NEURL4: variants seen among roughly 807,000 people sequenced by gnomAD.
NEURL4 encodes the protein neuralized E3 ubiquitin protein ligase 4, also known as neuralized-like protein 4.
NEURL4 carries 45 observed loss-of-function variants against 148.0 expected under a neutral mutation model. That is an observed-to-expected ratio of 0.30 (90% CI 0.24 to 0.39). The LOEUF (loss-of-function observed/expected upper bound fraction) is 0.39. Ranked by LOEUF, NEURL4 falls within the 10% of genes least tolerant of loss-of-function variation. The pLI is 1.00. For synonymous variants in NEURL4, 854 were observed against 869.0 expected, an observed-to-expected ratio of 0.98 and a Z score of 0.30; for missense variants, 1,776 against 2,144.0, an observed-to-expected ratio of 0.83 and a Z score of 3.39.
intron 26 of NEURL4, 79 bp from the exon 27 acceptor site, chr17:7,317,652 A>C: frequency 6.4e-7 from 1 of 1,554,594 alleles, no homozygotes; most frequent in African/African-American, 1.4e-5. Context: ...GCTCTTCCTT[A>C]GACAGGAAGT....
chr17:7,327,815 T>A lies in NEURL4; in HGVS notation c.352A>T (p.Ser118Cys). 6.2e-7 allele frequency: 1 copy of A among 1,613,898 alleles called. No individual in the cohort carries two copies. The highest frequency in any genetic ancestry group is 1.1e-5 in the South Asian group (1 of 91,082). Reference sequence around the variant, plus strand: ...CCCCCCTTCAGGCCCGTGGCACTGCTTGGAAAGTCCAGCACACTGGGGTCC... The same window carrying A: ...CCCCCCTTCAGGCCCGTGGCACTGCATGGAAAGTCCAGCACACTGGGGTCC... Reference protein sequence around the residue: ...ALDPSVLDFPSSATGLKGGSW... With the variant: ...ALDPSVLDFPCSATGLKGGSW... The change falls in exon 2 of 29, where the codon AGC becomes TGC. Residue 118 changes from serine (S) to cysteine (C), a missense_variant. Transcript: ENST00000399464. This position sits in a 1 kb window ranked among gnomAD's most constrained non-coding sequence, Gnocchi z 6.6.
chr17:7,326,406 C>G lies in NEURL4; in HGVS notation c.1204+31G>C, dbSNP rs1313221637. On this transcript the variant is annotated intron_variant, in intron 5 of 28. Coordinates refer to ENST00000399464, the MANE Select transcript of NEURL4 (RefSeq NM_032442.3). This position sits in a 1 kb window ranked among gnomAD's most constrained non-coding sequence, Gnocchi z 6.0. ...TTCCTTCCCCTCAGCAACACCAGGCCTGCACCCCCGCCCCTGCCCGGGGCT... is the reference window on the plus strand; with the variant it reads ...TTCCTTCCCCTCAGCAACACCAGGCGTGCACCCCCGCCCCTGCCCGGGGCT... 1 of 1,613,602 alleles carries G rather than the reference C, an allele frequency of 6.2e-7. No individual in the cohort carries two copies. Among genetic ancestry groups the G allele is most frequent in the African/African-American group, 1.3e-5 (1 of 74,898 alleles).
chr17:7,329,145 G>A lies in NEURL4; in HGVS notation c.168C>T (p.Ala56=), dbSNP rs751699047. The change falls in exon 1 of 29, where the codon GCC becomes GCT. Residue 56 remains alanine, a synonymous_variant. Coordinates refer to ENST00000399464, the MANE Select transcript of NEURL4 (RefSeq NM_032442.3). The part of the protein sequence containing the change: ...PRTGRLVSLS[A]CGRTARRQQP... ...GCTGCCGCCGCGCCGTACGCCCACAGGCCGACAGGCTCACCAAGCGCCCAG... is the reference window on the plus strand; with the variant it reads ...GCTGCCGCCGCGCCGTACGCCCACAAGCCGACAGGCTCACCAAGCGCCCAG... 2 of 1,608,516 alleles carry A rather than the reference G, an allele frequency of 1.2e-6. No homozygotes were observed. The highest frequency in any genetic ancestry group is 8.5e-7 in the Non-Finnish European group (1 of 1,178,986).
intron 21 of NEURL4, among the ~76,000 whole-genome samples, chr17:7,319,517 A>T (rs1453231878): frequency 6.6e-6 from 1 of 150,892 alleles, no homozygotes; most frequent in African/African-American, 2.4e-5. Flanking sequence ...CCTGACCAAC[A>T]TGGTGAAACT....
At chr17:7,316,958 T>C (rs1041097397) in intron 28 of NEURL4, among the ~76,000 whole-genome samples, 1 of 152,088 alleles carries the variant, frequency 6.6e-6, no homozygotes, top group African/African-American at 2.4e-5. Context: ...ATAATACTTA[T>C]TACGTATGAA....
rs771002223 is a variant in NEURL4, at chr17:7,321,136, G to A, written c.3336C>T (p.Asp1112=). The change falls in exon 20 of 29, where the codon GAC becomes GAT. Residue 1112 remains aspartate, a synonymous_variant. Transcript: ENST00000399464. The surrounding 1 kb of genome is among the most constrained non-coding windows in gnomAD (Gnocchi z 6.3). Reference sequence around the variant, plus strand: ...CTCCCAGGCCATGCTCCTCGCCCTCGTCATCCTCCTCGCCCTCACTGCCGG... The same window carrying A: ...CTCCCAGGCCATGCTCCTCGCCCTCATCATCCTCCTCGCCCTCACTGCCGG... ...SDTGSEGEED[D]EGEEHGLGGQ... 1.9e-5 allele frequency: 31 copies of A among 1,613,576 alleles called. No homozygotes were observed. The highest frequency in any genetic ancestry group is 5.3e-5 in the African/African-American group (4 of 74,856).
rs1183346346 is a variant in NEURL4, at chr17:7,322,777, T to C, written c.2683A>G (p.Ser895Gly). The change falls in exon 16 of 29, where the codon AGC becomes GGC. Residue 895 changes from serine (S) to glycine (G), a missense_variant. Physicochemically the swap from Ser to Gly is moderately conservative, Grantham distance 56 (BLOSUM62 0). Coordinates refer to ENST00000399464, the MANE Select transcript of NEURL4 (RefSeq NM_032442.3). This position sits in a 1 kb window ranked among gnomAD's most constrained non-coding sequence, Gnocchi z 5.5. ...AAGGACTTCTCGGTGGCAGTGTTGC[T>C]GGTCGCCAGGCTGTTGTCCATGGGG... is the stretch of plus-strand genomic sequence containing the variant. ...TGPMDNSLATSNTATEKSFPL... is the reference protein window; with the variant it reads ...TGPMDNSLATGNTATEKSFPL... 3.1e-6 allele frequency: 5 copies of C among 1,612,448 alleles called. No individual in the cohort carries two copies. The highest frequency in any genetic ancestry group is 2.5e-6 in the Non-Finnish European group (3 of 1,179,354).
rs770542163 is a variant in NEURL4 at position 7,324,214 on chromosome 17, G to T, written c.1956C>A (p.Val652=). ...CAGCAGGGCCCTGAGTCATCCCATT[G>T]ACAAAGAAGTGGAGAGTCCCGTCCT... ...RREDGTLHFF[V]NGMTQGPAAW... The change falls in exon 11 of 29, where the codon GTC becomes GTA. Residue 652 remains valine, a synonymous_variant. Transcript: ENST00000399464. The surrounding 1 kb of genome is among the most constrained non-coding windows in gnomAD (Gnocchi z 5.9). 1 of 1,613,786 alleles carries T rather than the reference G, an allele frequency of 6.2e-7. No individual in the cohort carries two copies. The highest frequency in any genetic ancestry group is 8.5e-7 in the Non-Finnish European group (1 of 1,180,020).
chr17:7,327,186 T>C lies in NEURL4; in HGVS notation c.772A>G (p.Asn258Asp), dbSNP rs776157645. The C allele has an allele frequency of 1.2e-5, 20 of 1,612,552 alleles. 1 individual carries two copies. Among genetic ancestry groups the C allele is most frequent in the Non-Finnish European group, 1.2e-5 (14 of 1,179,862 alleles). Residue 258 changes from asparagine (N) to aspartate (D), a missense_variant, in exon 3 of 29, where the codon AAC becomes GAC. By Grantham distance (23) the Asn-to-Asp change is conservative (BLOSUM62 1). Transcript: ENST00000399464. This position sits in a 1 kb window ranked among gnomAD's most constrained non-coding sequence, Gnocchi z 6.6. ...PAQARPETFP[N>D]SLESHNDFAN... ...TCACCATTATGCGACTCAAGGCTGT[T>C]AGGAAACGTCTCCGGCCGGGCCTGC...
At position 7,318,886 on chromosome 17, in the gene NEURL4, C is replaced by A. The variant is rs946817747; in HGVS notation, c.3684+164G>T. 4.4e-5 allele frequency: 41 copies of A among 931,896 alleles called. No homozygotes were observed. Among genetic ancestry groups the A allele is most frequent in the Admixed American group, 4.3e-4 (15 of 34,520 alleles). 57.7% of individuals were successfully genotyped at this position (931,896 alleles called of 1,614,324 possible). ...CAGGGACACCGCAGGAAGCAGCAGG[C>A]CTAAGACTGACCAGGCAATGCTACT... is the stretch of plus-strand genomic sequence containing the variant. On this transcript the variant is annotated intron_variant, in intron 22 of 28. Coordinates refer to ENST00000399464, the MANE Select transcript of NEURL4 (RefSeq NM_032442.3). This position sits in a 1 kb window ranked among gnomAD's most constrained non-coding sequence, Gnocchi z 4.3.
Position 7,319,144 on chromosome 17 carries a change from G to A in NEURL4, c.3590C>T (p.Ala1197Val), listed in dbSNP as rs757576657. Residue 1197 changes from alanine to valine, a missense_variant, in exon 22 of 29, where the codon GCG becomes GTG. Coordinates refer to ENST00000399464, the MANE Select transcript of NEURL4 (RefSeq NM_032442.3). ...SSLVLGVITC[A>V]PERLNFPASA... ...AGCAGGGAAGTTGAGCCTCTCAGGC[G>A]CGCAGGTGATGACTCCCAGGACAAG... 3.3e-5 allele frequency: 53 copies of A among 1,613,972 alleles called. No individual in the cohort carries two copies. The highest frequency in any genetic ancestry group is 1.2e-4 in the South Asian group (11 of 91,084).
intron 21 of NEURL4, among the ~76,000 whole-genome samples, chr17:7,319,716 A>AAAC (rs1260079668): frequency 9.5e-6 from 1 of 105,384 alleles, no homozygotes; most frequent in Non-Finnish European, 2.1e-5. Flanking sequence ...AAACAAAAAA[A>AAAC]CAAAAAAACA....
rs1403433425 is a variant in NEURL4, at chr17:7,327,129, C to G, written c.793+36G>C. ...GGCCCTCCCTTGTCCACCTCACTTC[C>G]CACTCCCCTTCCCAGGGCCTCCCCA... On this transcript the variant is annotated intron_variant, in intron 3 of 28. Transcript: ENST00000399464. This position sits in a 1 kb window ranked among gnomAD's most constrained non-coding sequence, Gnocchi z 6.6. The G allele has an allele frequency of 6.2e-7, 1 of 1,608,630 alleles. No individual in the cohort carries two copies.
chr17:7,318,347 C>T lies in NEURL4; in HGVS notation c.3874G>A (p.Val1292Met), dbSNP rs1338728157. 6.8e-6 allele frequency: 11 copies of T among 1,613,966 alleles called. No individual in the cohort carries two copies. The Admixed American group carries it at 1.2e-4, about 17-fold the overall frequency. Residue 1292 changes from valine to methionine, a missense_variant, in exon 24 of 29, where the codon GTG becomes ATG. Transcript: ENST00000399464. This position sits in a 1 kb window ranked among gnomAD's most constrained non-coding sequence, Gnocchi z 4.3. ...LYGQCEQVTI[V>M]NPEPGAASGK... is the part of the protein sequence containing the mutation. ...CTGGCAGCCCCTGGCTCAGGGTTCA[C>T]GATTGTCACCTGCAGGGGAGAGGGT...
At position 7,317,944 on chromosome 17, in the gene NEURL4, T is replaced by C; in HGVS notation, c.4061-12A>G. 1 of 1,614,118 alleles carries C rather than the reference T, an allele frequency of 6.2e-7. No individual in the cohort carries two copies. The highest frequency in any genetic ancestry group is 8.5e-7 in the Non-Finnish European group (1 of 1,179,998). ...CATGAAATAATCTTCTGCGGGACAG[T>C]GAGTAGCAGGCTTGGTGCTGTGGCT... On this transcript the variant is annotated splice_polypyrimidine_tract_variant and intron_variant, in intron 25 of 28. Coordinates refer to ENST00000399464, the MANE Select transcript of NEURL4 (RefSeq NM_032442.3).
In NEURL4 at chr17:7,329,091, C is replaced by G; in HGVS notation, c.222G>C (p.Leu74=). 1 of 1,610,212 alleles carries G rather than the reference C, an allele frequency of 6.2e-7. No individual in the cohort carries two copies. The highest frequency in any genetic ancestry group is 8.5e-7 in the Non-Finnish European group (1 of 1,178,994). ...CGCGCAAGGGTTCTCGGCTCAACAC[C>G]AGCCCGTGGTTAAACTCCTGGCCCG... is the stretch of plus-strand genomic sequence containing the variant. ...QQPGQEFNHG[L]VLSREPLRDG... is the part of the protein sequence containing the mutation. Residue 74 remains leucine (L), a synonymous_variant, in exon 1 of 29, where the codon CTG becomes CTC. Transcript: ENST00000399464.
chr17:7,328,999 C>G, intron 1 of NEURL4, 32 bp downstream of exon 1: 2 of 1,520,474 alleles, frequency 1.3e-6, no homozygotes, highest in Non-Finnish European at 1.8e-6. Flanking sequence ...CACCACCCTC[C>G]ACATCTCTGT....
In NEURL4 at chr17:7,324,447, T is replaced by C. The variant is rs2073075411; in HGVS notation, c.1847A>G (p.His616Arg). The change falls in exon 10 of 29, where the codon CAC (histidine) becomes CGC (arginine). Residue 616 changes from histidine (H) to arginine (R), a missense_variant. By Grantham distance (29) the His-to-Arg change is conservative (BLOSUM62 0). Transcript: ENST00000399464. The surrounding 1 kb of genome is among the most constrained non-coding windows in gnomAD (Gnocchi z 5.9). ...TTCATCCAGGATGGTCGTCCCATTG[T>C]GCATCACCCCATTCCCAGTCATCAT... is the stretch of plus-strand genomic sequence containing the variant. ...TWMMTGNGVMHNGTTILDEYG... is the reference protein window; with the variant it reads ...TWMMTGNGVMRNGTTILDEYG... The C allele has an allele frequency of 2.5e-6, 4 of 1,614,206 alleles. No homozygotes were observed. The highest frequency in any genetic ancestry group is 3.4e-6 in the Non-Finnish European group (4 of 1,180,022).
chr17:7,317,618 T>C, intron 26 of NEURL4, 45 bp from the exon 27 acceptor site: 1 of 1,571,514 alleles, frequency 6.4e-7, no homozygotes, highest in Non-Finnish European at 8.8e-7. Context: ...GGCCACTGAC[T>C]CCCCAGTGGA....
Sources: gnomAD v4.1 joint callset for allele counts (sites outside exome capture counted in the v4.1 genomes callset) on GRCh38, gnomAD v4.1.1 for gene constraint, Gnocchi (gnomAD v3.1) non-coding constraint, MANE v1.5 for transcripts, NCBI Gene and HGNC (gene_info 2026-07-23, HGNC 2026-07-21) for gene names.